OARD1: variants seen among roughly 807,000 people sequenced by gnomAD.
OARD1 encodes ADP-ribose glycohydrolase OARD1.
Under a neutral mutation model 19.7 loss-of-function variants are expected in OARD1, and 19 were observed. The observed-to-expected ratio is 0.96, with a 90% CI of 0.67 to 1.41. OARD1 has a LOEUF of 1.41. Ranked by LOEUF, OARD1 falls within the 40% of genes most tolerant of loss-of-function variation. The probability of loss-of-function intolerance (pLI) is 0.00; values close to 1 mark genes in which losing one functional copy is unlikely to be tolerated. For missense variants in OARD1, 190 were observed against 183.8 expected (o/e 1.03, Z -0.20); for synonymous variants, 70 against 61.8 (o/e 1.13, Z -0.62).
intron 1 of OARD1, among the ~76,000 whole-genome samples, chr6:41,092,115 G>C (rs1764212680): frequency 6.6e-6 from 1 of 152,326 alleles, no homozygotes; most frequent in Non-Finnish European, 1.5e-5. Flanking sequence ...GGGAAGATAG[G>C]AAGATTTGGG....
At chr6:41,094,006 G>A (rs1358849254) in intron 1 of OARD1, among the ~76,000 whole-genome samples, 1 of 152,186 alleles carries the variant, frequency 6.6e-6, no homozygotes, top group South Asian at 2.1e-4. Flanking sequence ...AAGGGTGTCA[G>A]AGTGAAACCC....
intron 4 of OARD1, chr6:41,069,497 C>G (rs1489464090): frequency 6.3e-6 from 1 of 159,100 alleles, no homozygotes; most frequent in Non-Finnish European, 1.4e-5. Context: ...GTTTGTCATC[C>G]AGATCAGGCT....
intron 1 of OARD1, chr6:41,090,110 T>A: frequency 1.2e-6 from 1 of 832,352 alleles, no homozygotes; most frequent in Non-Finnish European, 1.9e-6. Flanking sequence ...TGAGACTCTG[T>A]CTCAAAAAAA....
At chr6:41,070,807 T>G (rs1561843821) in intron 3 of OARD1, 1 of 529,530 alleles carries the variant, frequency 1.9e-6, no homozygotes, top group East Asian at 3.2e-5. Flanking sequence ...AATTCCTCTT[T>G]GAAGAGAAAG....
At chr6:41,079,839 T>C (rs1763858550) in intron 1 of OARD1, among the ~76,000 whole-genome samples, 1 of 152,232 alleles carries the variant, frequency 6.6e-6, no homozygotes, top group African/African-American at 2.4e-5. Flanking sequence ...GGAAATACTT[T>C]GTTTTCAAAA....
intron 3 of OARD1, 65 bp downstream of exon 3, chr6:41,071,067 A>C (rs751515496): frequency 1.5e-5 from 22 of 1,485,706 alleles, no homozygotes; most frequent in Non-Finnish European, 2.0e-5. Context: ...ATATTTTATT[A>C]AAGTGTAACA....
chr6:41,077,491 A>G (rs1462504288), upstream of OARD1, among the ~76,000 whole-genome samples: 1 of 152,012 alleles, frequency 6.6e-6, no homozygotes, highest in African/African-American at 2.4e-5. Context: ...ATGGAATCAT[A>G]TATATTCGTT....
In OARD1 at chr6:41,069,675, C is replaced by G. The variant is rs368137691; in HGVS notation, c.243+401G>C. ...ACTTATTATTTTTTGTTTTTATTCACCCCCTTGCTATCAGTGTGCTATTTG... is the reference window on the plus strand; with the variant it reads ...ACTTATTATTTTTTGTTTTTATTCAGCCCCTTGCTATCAGTGTGCTATTTG... On this transcript the variant is annotated intron_variant, in intron 4 of 5. Transcript: ENST00000424266. 21 of 240,348 alleles carry G rather than the reference C, an allele frequency of 8.7e-5. No individual in the cohort carries two copies. In the East Asian group the frequency reaches 2.4e-3, roughly 28 times the overall value. The allele number at this position is 240,348 out of a possible 1,614,324, so 14.9% of individuals were successfully genotyped here.
chr6:41,096,787 A>T (rs577605969), intron 1 of OARD1, among the ~76,000 whole-genome samples: 1 of 152,352 alleles, frequency 6.6e-6, no homozygotes, highest in African/African-American at 2.4e-5. Flanking sequence ...AGTGGAAAGA[A>T]GATGAAATGG....
chr6:41,094,357 A>G, intron 1 of OARD1: 2 of 1,551,974 alleles, frequency 1.3e-6, no homozygotes, highest in Middle Eastern at 1.7e-4. Context: ...CTGGTTCTGG[A>G]TAGTATTAAT....
rs538468324 is a variant in OARD1 at position 41,081,039 on chromosome 6, A to G, written c.-41-9364T>C. On this transcript the variant is annotated intron_variant, in intron 1 of 4. Coordinates refer to the OARD1 transcript ENST00000480585. The stretch of plus-strand genomic sequence containing the variant: ...TGCTGCTAACTTGTCTTTGAGGCTT[A>G]TAAGATGCCAGTTTCCTAATATTTC... The G allele has an allele frequency of 5.1e-6, 3 of 593,456 alleles. No homozygotes were observed. The South Asian group carries it at 6.6e-5, about 13-fold the overall frequency. The allele number at this position is 593,456 out of a possible 1,614,324, so 36.8% of individuals were successfully genotyped here.
upstream of OARD1, among the ~76,000 whole-genome samples, chr6:41,073,323 C>T (rs998305220): frequency 3.3e-5 from 5 of 151,664 alleles, no homozygotes; most frequent in Admixed American, 1.3e-4. Context: ...GGAGCAGGCA[C>T]CTCGGGGCTC....
chr6:41,080,036 A>G (rs998565116), intron 1 of OARD1, among the ~76,000 whole-genome samples: 25 of 152,218 alleles, frequency 1.6e-4, no homozygotes, highest in African/African-American at 5.3e-4. Flanking sequence ...CCCTCCATTC[A>G]CACCAGTGCC....
upstream of OARD1, among the ~76,000 whole-genome samples, chr6:41,076,737 AT>A (rs2114084486): frequency 6.6e-6 from 1 of 152,340 alleles, no homozygotes; most frequent in African/African-American, 2.4e-5. Context: ...GACAGACTAA[AT>A]CTGGCTTAGT....
intron 1 of OARD1, among the ~76,000 whole-genome samples, chr6:41,088,423 C>CAAAAAAAAAAAA (rs34590854): frequency 1.5e-5 from 1 of 64,712 alleles, no homozygotes; most frequent in African/African-American, 6.2e-5. Flanking sequence ...ACTCCGTCTC[C>CAAAAAAAAAAAA]AAAAAAAAAA....
chr6:41,073,408 C>G (rs1763597671), upstream of OARD1, among the ~76,000 whole-genome samples: 1 of 151,956 alleles, frequency 6.6e-6, no homozygotes, highest in Non-Finnish European at 1.5e-5. Flanking sequence ...TCTCAGGCCC[C>G]AGGCCTGGGG....
At chr6:41,077,788 C>G (rs923081407) in intron 1 of OARD1, among the ~76,000 whole-genome samples, 1 of 152,122 alleles carries the variant, frequency 6.6e-6, no homozygotes. Flanking sequence ...ATTTACCTAG[C>G]GAGCATTCCA....
At chr6:41,071,757 A>C (rs1763416260) in intron 1 of OARD1, 82 bp from the exon 2 acceptor site, 1 of 771,608 alleles carries the variant, frequency 1.3e-6, no homozygotes, top group Non-Finnish European at 2.2e-6. Flanking sequence ...ACCACTTAAT[A>C]GGCTTTTTTC....
intron 1 of OARD1, chr6:41,084,125 C>G: frequency 6.2e-7 from 1 of 1,614,148 alleles, no homozygotes; most frequent in Non-Finnish European, 8.5e-7. Context: ...ATGGTCCAGG[C>G]TGTCCCTGGT....
Sources: gnomAD v4.1 joint callset for allele counts (sites outside exome capture counted in the v4.1 genomes callset) on GRCh38, gnomAD v4.1.1 for gene constraint, MANE v1.5 for transcripts, NCBI Gene and HGNC (gene_info 2026-07-23, HGNC 2026-07-21) for gene names.